ABR: variants seen among roughly 807,000 people sequenced by gnomAD.
ABR encodes ABR activator of RhoGEF and GTPase.
A neutral mutation model predicts 107.2 loss-of-function variants in ABR; 35 were observed. The ratio of observed to expected loss-of-function variants is 0.33; its 90% CI spans 0.25 to 0.43. ABR has a LOEUF of 0.43. Ranked by LOEUF, ABR falls within the 20% of genes least tolerant of loss-of-function variation. The pLI is 1.00. For synonymous variants in ABR, 498 were observed against 462.0 expected (o/e 1.08, Z -1.00); for missense variants, 815 against 1,115.2 (o/e 0.73, Z 3.83).
chr17:1,007,919 C>T (rs1357948156), intron 21 of ABR, among the ~76,000 whole-genome samples: 3 of 152,222 alleles, frequency 2.0e-5, no homozygotes, highest in Middle Eastern at 3.2e-3. Flanking sequence ...TAGCTAGACC[C>T]GGGGCTCTGC....
At chr17:1,178,994 GAGA>G (rs1236594128) in intron 1 of ABR, among the ~76,000 whole-genome samples, 4 of 151,242 alleles carry the variant, frequency 2.6e-5, no homozygotes, top group South Asian at 2.1e-4. Flanking sequence ...TGGAGAACTC[GAGA>G]AGGTTTGTTT....
intron 1 of ABR, among the ~76,000 whole-genome samples, chr17:1,198,173 T>C (rs909412962): frequency 6.6e-6 from 1 of 151,640 alleles, no homozygotes; most frequent in Non-Finnish European, 1.5e-5. Context: ...CTGCGGGTTC[T>C]GTCTGCTCCC....
intron 2 of ABR, among the ~76,000 whole-genome samples, chr17:1,109,370 C>T (rs1041859915): frequency 9.9e-5 from 15 of 151,922 alleles, no homozygotes; most frequent in African/African-American, 3.1e-4. Flanking sequence ...CCTCCGTGTC[C>T]CGCCCGGCCC....
chr17:1,065,687 A>AT (rs1419189083), intron 10 of ABR, among the ~76,000 whole-genome samples: 1 of 149,848 alleles, frequency 6.7e-6, no homozygotes, highest in Non-Finnish European at 1.5e-5. Context: ...TGCAGTTCTC[A>AT]TTTTGAATTT....
intron 12 of ABR, chr17:1,057,698 T>A: frequency 2.4e-6 from 1 of 421,492 alleles, no homozygotes; most frequent in Non-Finnish European, 4.5e-6. Context: ...TGTGTGTGTG[T>A]GTGTGAGAGA....
At chr17:1,101,638 T>A (rs2037873097) in intron 2 of ABR, among the ~76,000 whole-genome samples, 1 of 152,208 alleles carries the variant, frequency 6.6e-6, no homozygotes, top group South Asian at 2.1e-4. Flanking sequence ...AAATATTTAC[T>A]GAATGTCCAC....
chr17:1,214,865 G>T (rs1455580988), intron 1 of ABR, among the ~76,000 whole-genome samples: 1 of 151,954 alleles, frequency 6.6e-6, no homozygotes, highest in African/African-American at 2.4e-5. Flanking sequence ...AGCTATCTCG[G>T]TGTATATAAG....
intron 10 of ABR, among the ~76,000 whole-genome samples, chr17:1,064,730 C>T (rs1320244886): frequency 7.5e-6 from 1 of 132,892 alleles, no homozygotes; most frequent in African/African-American, 2.8e-5. Flanking sequence ...GAACTGAGGG[C>T]TATGCATGTT....
In ABR at chr17:1,179,677, G is replaced by C; in HGVS notation, c.51C>G (p.Thr17=). The part of the protein sequence containing the change: ...RGLPRLSWID[T]LYSNFSYGTD... ...GCCCGGCACACGTACTGCTGTAGAGGGTGTCGATCCAGGACAGGCGCGGCA... is the reference window on the plus strand; with the variant it reads ...GCCCGGCACACGTACTGCTGTAGAGCGTGTCGATCCAGGACAGGCGCGGCA... Residue 17 remains threonine (T), a synonymous_variant, in exon 1 of 23, where the codon ACC becomes ACG. Coordinates refer to ENST00000302538, the MANE Select transcript of ABR (RefSeq NM_021962.5). This position sits in a 1 kb window ranked among gnomAD's most constrained non-coding sequence, Gnocchi z 4.9. 6.4e-7 allele frequency: 1 copy of C among 1,567,892 alleles called. No individual in the cohort carries two copies. The highest frequency in any genetic ancestry group is 8.6e-7 in the Non-Finnish European group (1 of 1,158,298).
In ABR at chr17:1,005,903, G is replaced by C. The variant is rs1470557179; in HGVS notation, c.*177C>G. On this transcript the variant is annotated 3_prime_UTR_variant, in exon 23 of 23. Coordinates refer to ENST00000302538, the MANE Select transcript of ABR (RefSeq NM_021962.5). ...GCGGTGGTGAGGCTGGGGCTGGGCA[G>C]CCGGCTTTGTACAAGGTGGCACAAA... The C allele has an allele frequency of 1.5e-6, 1 of 647,060 alleles. No individual in the cohort carries two copies. The highest frequency in any genetic ancestry group is 2.7e-6 in the Non-Finnish European group (1 of 365,556). The allele number at this position is 647,060 out of a possible 1,614,324, so 40.1% of individuals were successfully genotyped here. A position where few individuals can be genotyped will look rare whatever the true frequency, so the allele number is the denominator to read the frequency against.
chr17:1,119,723 C>G (rs571701092), intron 2 of ABR, among the ~76,000 whole-genome samples: 3 of 152,296 alleles, frequency 2.0e-5, no homozygotes, highest in Admixed American at 2.0e-4. Context: ...GTGCACACCT[C>G]CCAAACTGCA....
intron 16 of ABR, chr17:1,031,616 G>A (rs1224195764): frequency 4.0e-6 from 5 of 1,234,822 alleles, no homozygotes. Context: ...GGAGCAGCTT[G>A]TTGCGCACGC....
chr17:1,168,105 A>G lies in ABR; in HGVS notation c.61+11562T>C, dbSNP rs192510721. Among the ~76,000 whole-genome samples the G allele has an allele frequency of 7.7e-3, 1,162 of 151,588 alleles. 22 individuals carry two copies. The highest frequency in any genetic ancestry group is 0.026 in the African/African-American group (1,092 of 41,318). On this transcript the variant is annotated intron_variant, in intron 1 of 22. Coordinates refer to ENST00000302538, the MANE Select transcript of ABR (RefSeq NM_021962.5). ...AGTTCGAGACCAGCCTGACCAATAT[A>G]GAGAAATCCCGTCTCTACTAAAAAT...
At chr17:1,065,798 T>A (rs2034669563) in intron 10 of ABR, among the ~76,000 whole-genome samples, 1 of 142,700 alleles carries the variant, frequency 7.0e-6, no homozygotes, top group African/African-American at 2.6e-5. Flanking sequence ...CAGGCTGGAG[T>A]GCAGCAGCGG....
At chr17:1,068,180 G>A (rs544402615) in intron 9 of ABR, among the ~76,000 whole-genome samples, 2 of 152,186 alleles carry the variant, frequency 1.3e-5, no homozygotes, top group African/African-American at 4.8e-5. Flanking sequence ...TGATCCACCC[G>A]CCTTGGCCTC....
upstream of ABR, among the ~76,000 whole-genome samples, chr17:1,181,489 C>T (rs1033885727): frequency 6.6e-6 from 1 of 152,178 alleles, no homozygotes; most frequent in African/African-American, 2.4e-5. Flanking sequence ...CAGGCACCAG[C>T]GCTGTCTCTT....
chr17:1,132,837 T>C (rs1031572959), intron 1 of ABR, among the ~76,000 whole-genome samples: 3 of 152,386 alleles, frequency 2.0e-5, no homozygotes, highest in Non-Finnish European at 4.4e-5. Context: ...TAAAGTTCTA[T>C]ATAGTTTTCA....
intron 1 of ABR, among the ~76,000 whole-genome samples, chr17:1,159,063 C>G (rs886253949): frequency 6.6e-6 from 1 of 152,238 alleles, no homozygotes; most frequent in African/African-American, 2.4e-5. Flanking sequence ...GGACCTTTCT[C>G]TGAAGAATGT....
intron 16 of ABR, among the ~76,000 whole-genome samples, chr17:1,028,236 G>A (rs1158899173): frequency 8.7e-5 from 13 of 150,240 alleles, no homozygotes; most frequent in African/African-American, 1.2e-4. Flanking sequence ...GATTACAGGT[G>A]CCCGCCACCA....
Sources: allele counts gnomAD v4.1 joint callset (sites outside exome capture counted in the v4.1 genomes callset), GRCh38; gene constraint gnomAD v4.1.1; non-coding constraint Gnocchi (gnomAD v3.1); transcripts MANE v1.5; gene names NCBI Gene and HGNC (gene_info 2026-07-23, HGNC 2026-07-21).